Variants in ROBO1 observed in about 807,000 individuals in gnomAD.
ROBO1 encodes the protein roundabout guidance receptor 1.
Under a neutral mutation model 195.9 loss-of-function variants are expected in ROBO1, and 149 were observed. The observed-to-expected ratio is 0.76, with a 90% confidence interval of 0.67 to 0.87. ROBO1 has a LOEUF of 0.87. Among genes scored for constraint, ROBO1 ranks in the 40% least tolerant of loss-of-function variants. The probability of loss-of-function intolerance (pLI) is 0.00; values close to 1 mark genes in which losing one functional copy is unlikely to be tolerated. For synonymous variants in ROBO1, 816 were observed against 733.2 expected (o/e 1.11, Z -1.82); for missense variants, 1,933 against 2,068.3 (o/e 0.93, Z 1.27).
intron 1 of ROBO1, among the ~76,000 whole-genome samples, chr3:79,603,371 C>T (rs922075814): frequency 8.6e-5 from 13 of 151,920 alleles, no homozygotes; most frequent in South Asian, 6.2e-4. Flanking sequence ...GGCATCTCAC[C>T]CTCTTGACAC....
chr3:79,161,499 C>CA (rs2080965518), intron 2 of ROBO1, among the ~76,000 whole-genome samples: 1 of 151,784 alleles, frequency 6.6e-6, no homozygotes, highest in East Asian at 1.9e-4. Context: ...TGGTTCTTTG[C>CA]AAAAATAATT....
In ROBO1 at chr3:78,620,369, G is replaced by A. The variant is rs1386227600; in HGVS notation, c.3876-2328C>T. Among the ~76,000 whole-genome samples, 5 of 151,964 alleles carry A rather than the reference G, an allele frequency of 3.3e-5. No individual in the cohort carries two copies. The East Asian group carries it at 7.8e-4, about 24-fold the overall frequency. ...TCTACTAAAAATACAAAAATTAGCC[G>A]GGTGTGGTGGCAGACACCTGTAATC... On this transcript the variant is annotated intron_variant, in intron 26 of 30. Coordinates refer to ENST00000464233, the MANE Select transcript of ROBO1 (RefSeq NM_002941.4).
chr3:79,187,042 T>G (rs2081452641), intron 2 of ROBO1, among the ~76,000 whole-genome samples: 1 of 152,214 alleles, frequency 6.6e-6, no homozygotes, highest in African/African-American at 2.4e-5. Context: ...ATAATTCACA[T>G]CAGCATTCTG....
intron 3 of ROBO1, among the ~76,000 whole-genome samples, chr3:79,059,466 A>G (rs1304222758): frequency 1.3e-5 from 2 of 152,014 alleles, no homozygotes; most frequent in African/African-American, 4.8e-5. Flanking sequence ...CAAGAGAATG[A>G]ACAAGCCTTC....
intron 5 of ROBO1, among the ~76,000 whole-genome samples, chr3:78,730,286 T>C (rs1576039426): frequency 1.6e-5 from 1 of 64,478 alleles, no homozygotes. Flanking sequence ...CTTGCTAAGA[T>C]AAAGCCTTTT....
At chr3:79,018,481 T>C (rs1559596796) in intron 3 of ROBO1, 1 of 1,613,740 alleles carries the variant, frequency 6.2e-7, no homozygotes, top group Non-Finnish European at 8.5e-7. Flanking sequence ...GTGGATCCTG[T>C]ATACAGTCTC....
intron 3 of ROBO1, among the ~76,000 whole-genome samples, chr3:78,995,091 T>C (rs184780511): frequency 2.0e-5 from 3 of 152,186 alleles, no homozygotes; most frequent in African/African-American, 7.2e-5. Context: ...ATACTTTTAA[T>C]ACTGACAAAA....
chr3:78,844,130 C>A (rs1411352575), intron 4 of ROBO1, among the ~76,000 whole-genome samples: 1 of 152,048 alleles, frequency 6.6e-6, no homozygotes, highest in African/African-American at 2.4e-5. Flanking sequence ...CTTTACATTG[C>A]TTAGAAGCAG....
intron 2 of ROBO1, among the ~76,000 whole-genome samples, chr3:79,229,846 T>G (rs2082290541): frequency 6.6e-6 from 1 of 152,176 alleles, no homozygotes; most frequent in South Asian, 2.1e-4. Context: ...ATGATGACCT[T>G]AATTCTCAAA....
At chr3:79,634,935 G>A (rs1220570763) in intron 1 of ROBO1, among the ~76,000 whole-genome samples, 1 of 152,148 alleles carries the variant, frequency 6.6e-6, no homozygotes, top group African/African-American at 2.4e-5. Flanking sequence ...ATGAGTTAAT[G>A]TTATATGGAA....
intron 8 of ROBO1, among the ~76,000 whole-genome samples, chr3:78,694,768 C>G (rs1438856438): frequency 6.6e-6 from 1 of 152,066 alleles, no homozygotes; most frequent in Non-Finnish European, 1.5e-5. Context: ...GAGGACCTGA[C>G]AAGCTGTAAC....
chr3:79,239,886 A>G (rs1459125887), intron 2 of ROBO1, among the ~76,000 whole-genome samples: 1 of 152,104 alleles, frequency 6.6e-6, no homozygotes, highest in African/African-American at 2.4e-5. Context: ...CCCCACCTAC[A>G]TTTTTAAAAA....
intron 3 of ROBO1, among the ~76,000 whole-genome samples, chr3:78,958,499 T>C (rs1045861903): frequency 8.5e-5 from 13 of 152,344 alleles, no homozygotes; most frequent in African/African-American, 2.6e-4. Context: ...GAGAATTAGA[T>C]ATATCCCATC....
intron 2 of ROBO1, among the ~76,000 whole-genome samples, chr3:79,197,518 T>C (rs2081661922): frequency 6.6e-6 from 1 of 152,118 alleles, no homozygotes; most frequent in African/African-American, 2.4e-5. Context: ...TGTGTCTTTA[T>C]AGTAGAATGA....
intron 4 of ROBO1, among the ~76,000 whole-genome samples, chr3:78,907,810 A>C: frequency 6.6e-6 from 1 of 152,016 alleles, no homozygotes; most frequent in East Asian, 1.9e-4. Context: ...GGAAAACAGA[A>C]GGTACATTAA....
chr3:79,462,972 G>C (rs1396811324), intron 2 of ROBO1, among the ~76,000 whole-genome samples: 1 of 152,170 alleles, frequency 6.6e-6, no homozygotes. Context: ...GATACAGAAT[G>C]TTTTCATGTC....
At chr3:79,472,696 C>T (rs1056490107) in intron 2 of ROBO1, among the ~76,000 whole-genome samples, 1 of 152,142 alleles carries the variant, frequency 6.6e-6, no homozygotes, top group African/African-American at 2.4e-5. Flanking sequence ...CATTAAATTA[C>T]TACAGATAGA....
intron 18 of ROBO1, among the ~76,000 whole-genome samples, chr3:78,653,217 CCTCCA>C (rs1315206176): frequency 6.7e-6 from 1 of 148,208 alleles, no homozygotes; most frequent in East Asian, 3.1e-4. Context: ...TCCCTGCCTC[CCTCCA>C]GTTCCCTGCC....
chr3:79,549,868 G>T (rs1179638341), intron 2 of ROBO1, among the ~76,000 whole-genome samples: 3 of 152,044 alleles, frequency 2.0e-5, no homozygotes, highest in Admixed American at 6.6e-5. Context: ...ACCCAGGAAA[G>T]GTGACCTCAT....
Sources: gnomAD v4.1 joint callset for allele counts (sites outside exome capture counted in the v4.1 genomes callset) on GRCh38, gnomAD v4.1.1 for gene constraint, MANE v1.5 for transcripts, NCBI Gene and HGNC (gene_info 2026-07-23, HGNC 2026-07-21) for gene names.